Variants in KIF24 observed in about 807,000 individuals in gnomAD.
KIF24 encodes kinesin family member 24.
KIF24 carries 81 observed loss-of-function variants against 118.9 expected under a neutral mutation model. The observed-to-expected ratio is 0.68, with a 90% confidence interval of 0.57 to 0.82. The LOEUF (loss-of-function observed/expected upper bound fraction) is 0.82. Ranked by LOEUF, KIF24 falls within the 40% of genes least tolerant of loss-of-function variation. The pLI, the probability that KIF24 is intolerant of heterozygous loss-of-function variation, is 0.00. For missense variants in KIF24, 1,560 were observed against 1,661.6 expected (o/e 0.94, Z 1.06); for synonymous variants, 599 against 610.0 (o/e 0.98, Z 0.27).
chr9:34,255,390 T>A (rs1478175988), intron 11 of KIF24, among the ~76,000 whole-genome samples: 1 of 152,038 alleles, frequency 6.6e-6, no homozygotes, highest in African/African-American at 2.4e-5. Context: ...AGACAGGGGC[T>A]TCCCAAGTTG....
chr9:34,288,848 CCACACACACA>C (rs10537521), intron 5 of KIF24, among the ~76,000 whole-genome samples: 2,639 of 138,960 alleles, frequency 0.019, 30 homozygotes, highest in Admixed American at 0.028. Context: ...CCCAAATAAA[CCACACACACA>C]CACACACACA....
chr9:34,331,651 T>C (rs1178512500), upstream of KIF24, among the ~76,000 whole-genome samples: 1 of 152,176 alleles, frequency 6.6e-6, no homozygotes, highest in Non-Finnish European at 1.5e-5. Flanking sequence ...ACCGTGGTCT[T>C]GGTAGAGAAG....
Position 34,254,401 on chromosome 9 carries a change from A to C in KIF24, c.4086T>G (p.Pro1362=). 6.8e-6 allele frequency: 11 copies of C among 1,613,514 alleles called. No homozygotes were observed. Among genetic ancestry groups the C allele is most frequent in the Non-Finnish European group, 9.3e-6 (11 of 1,179,808 alleles). The part of the protein sequence containing the change: ...YLTCHGPTAA[P]EGTVPS ...GGCTCTAAGACGGCACTGTTCCCTC[A>C]GGGGCTGCGGTGGGCCCGTGGCAGG... is the stretch of plus-strand genomic sequence containing the variant. Residue 1362 remains proline, a synonymous_variant, in exon 13 of 13, where the codon CCT becomes CCG. Coordinates refer to ENST00000402558, the MANE Select transcript of KIF24 (RefSeq NM_194313.4).
In KIF24 at chr9:34,285,846, T is replaced by C. The variant is rs139959257; in HGVS notation, c.1215+771A>G. 6.9e-3 allele frequency among the ~76,000 whole-genome samples: 998 copies of C among 143,780 alleles called. 6 individuals are homozygous for C. The highest frequency in any genetic ancestry group is 0.013 in the Admixed American group (190 of 14,082). The allele number at this position is 143,780 out of a possible 152,430, so 94.3% of individuals were successfully genotyped here. On this transcript the variant is annotated intron_variant, in intron 6 of 12. Coordinates refer to ENST00000402558, the MANE Select transcript of KIF24 (RefSeq NM_194313.4). ...CATGTGCCTGCAGTCCCCAGCTACT[T>C]GGGAGGCTGAAGTGGGAGGCTGCGG...
At chr9:34,331,644 G>T (rs974489674), upstream of KIF24, among the ~76,000 whole-genome samples, 1 of 152,138 alleles carries the variant, frequency 6.6e-6, no homozygotes, top group Non-Finnish European at 1.5e-5. Flanking sequence ...AATTTTCACC[G>T]TGGTCTTGGT....
At chr9:34,326,030 C>G (rs1190834737) in intron 1 of KIF24, among the ~76,000 whole-genome samples, 1 of 152,176 alleles carries the variant, frequency 6.6e-6, no homozygotes, top group Non-Finnish European at 1.5e-5. Flanking sequence ...GAGATAGGCC[C>G]TGTTTTATGC....
At chr9:34,293,078 A>G (rs143935802) in intron 4 of KIF24, among the ~76,000 whole-genome samples, 2 of 152,314 alleles carry the variant, frequency 1.3e-5, no homozygotes, top group East Asian at 3.9e-4. Flanking sequence ...AACCTAAGAG[A>G]TATTTCACAT....
At chr9:34,298,262 A>G (rs541488246) in intron 3 of KIF24, among the ~76,000 whole-genome samples, 1 of 152,072 alleles carries the variant, frequency 6.6e-6, no homozygotes, top group Non-Finnish European at 1.5e-5. Context: ...AGTGAAACAG[A>G]GGCCGGGCGC....
chr9:34,255,667 A>C, intron 11 of KIF24, 68 bp downstream of exon 11: 3 of 1,385,772 alleles, frequency 2.2e-6, no homozygotes, highest in Non-Finnish European at 2.0e-6. Context: ...GTCCATGACA[A>C]AACAGTAAGC....
At chr9:34,296,043 C>T (rs1173439710) in intron 4 of KIF24, among the ~76,000 whole-genome samples, 36 of 148,446 alleles carry the variant, frequency 2.4e-4, no homozygotes, top group Middle Eastern at 3.5e-3. Context: ...CACAGTGAAA[C>T]CCCGTCTCTA....
intron 1 of KIF24, among the ~76,000 whole-genome samples, chr9:34,325,802 C>T (rs1382939792): frequency 1.3e-5 from 2 of 152,120 alleles, no homozygotes; most frequent in African/African-American, 2.4e-5. Flanking sequence ...CATTTGATAT[C>T]GTTTGTGGTA....
At chr9:34,283,520 T>C (rs1335078131) in intron 6 of KIF24, among the ~76,000 whole-genome samples, 1 of 152,078 alleles carries the variant, frequency 6.6e-6, no homozygotes, top group Non-Finnish European at 1.5e-5. Context: ...AAAATAATAA[T>C]AATACCCACA....
At chr9:34,293,444 C>T (rs989686967) in intron 4 of KIF24, among the ~76,000 whole-genome samples, 1 of 143,666 alleles carries the variant, frequency 7.0e-6, no homozygotes, top group Non-Finnish European at 1.5e-5. Flanking sequence ...CGCACCACTG[C>T]ACTCCAGCCT....
At chr9:34,281,941 C>T (rs556709432) in intron 6 of KIF24, among the ~76,000 whole-genome samples, 1 of 152,300 alleles carries the variant, frequency 6.6e-6, no homozygotes, top group Non-Finnish European at 1.5e-5. Context: ...CATCCTCATA[C>T]TGCTGGTGGG....
At chr9:34,296,160 A>G (rs1193613905) in intron 4 of KIF24, among the ~76,000 whole-genome samples, 1 of 144,844 alleles carries the variant, frequency 6.9e-6, no homozygotes, top group East Asian at 2.1e-4. Context: ...CAGAGCTTGC[A>G]GTGCACCGAG....
At chr9:34,259,824 C>T (rs1834990535) in intron 9 of KIF24, 119 bp from the exon 10 acceptor site, 7 of 643,656 alleles carry the variant, frequency 1.1e-5, no homozygotes, top group Middle Eastern at 2.9e-4. Context: ...AGGTAATTAA[C>T]ATTAACAAAA....
intron 1 of KIF24, among the ~76,000 whole-genome samples, chr9:34,316,027 A>AC (rs1362707062): frequency 5.5e-4 from 80 of 144,720 alleles, no homozygotes; most frequent in African/African-American, 1.8e-3. Flanking sequence ...AGACTCTGTC[A>AC]CCCCCCCAAA....
chr9:34,265,420 T>C (rs1433744695), intron 8 of KIF24, among the ~76,000 whole-genome samples: 1 of 152,238 alleles, frequency 6.6e-6, no homozygotes, highest in Non-Finnish European at 1.5e-5. Flanking sequence ...TCCTCCTTCC[T>C]TGGCCTCCCA....
upstream of KIF24, among the ~76,000 whole-genome samples, chr9:34,332,730 G>A (rs991700285): frequency 2.0e-5 from 3 of 152,136 alleles, no homozygotes; most frequent in Non-Finnish European, 2.9e-5. Context: ...CAGCAGCTTC[G>A]TCTCTGCAAG....
Sources: gnomAD v4.1 joint callset for allele counts (sites outside exome capture counted in the v4.1 genomes callset) on GRCh38, gnomAD v4.1.1 for gene constraint, MANE v1.5 for transcripts, NCBI Gene and HGNC (gene_info 2026-07-23, HGNC 2026-07-21) for gene names.